ERBB4: variants seen among roughly 807,000 people sequenced by gnomAD.
ERBB4 encodes receptor tyrosine-protein kinase erbB-4.
A neutral mutation model predicts 158.0 loss-of-function variants in ERBB4; 42 were observed. That is an observed-to-expected ratio of 0.27 (90% CI 0.21 to 0.34). The LOEUF (loss-of-function observed/expected upper bound fraction) is 0.34, where lower values mean the gene tolerates loss of function less well. ERBB4 is among the 10% of genes least tolerant of loss of function. The pLI, the probability that ERBB4 is intolerant of heterozygous loss-of-function variation, is 1.00. For synonymous variants in ERBB4, 583 were observed against 558.7 expected, an observed-to-expected ratio of 1.04 and a Z score of -0.61; for missense variants, 1,333 against 1,624.1, an observed-to-expected ratio of 0.82 and a Z score of 3.08.
chr2:211,600,830 C>T (rs915372807), intron 19 of ERBB4, among the ~76,000 whole-genome samples: 1 of 152,044 alleles, frequency 6.6e-6, no homozygotes, highest in Non-Finnish European at 1.5e-5. Flanking sequence ...TGTAAAAATG[C>T]TGGCAGCCAG....
At chr2:212,037,663 C>T (rs2077046584) in intron 2 of ERBB4, among the ~76,000 whole-genome samples, 1 of 152,108 alleles carries the variant, frequency 6.6e-6, no homozygotes, top group Admixed American at 6.6e-5. Context: ...ACAAACATGT[C>T]TTTGTATTTT....
Position 211,665,363 on chromosome 2 carries a change from C to G in ERBB4, c.1831G>C (p.Asp611His), listed in dbSNP as rs149498255. ...NSFIFKYADP[D>H]RECHPCHPNC... is the part of the protein sequence containing the mutation. ...GGATGGCATGGGTGGCACTCCCGAT[C>G]TGGATCAGCATACTTGAAAATGAAA... is the stretch of plus-strand genomic sequence containing the variant. Residue 611 changes from aspartate to histidine, a missense_variant, in exon 15 of 28, where the codon GAT (aspartate) becomes CAT (histidine). Asp to His is a moderately conservative substitution (Grantham distance 81, BLOSUM62 -1). This residue lies in a region of ERBB4 where 245 missense variants were observed against 247.5 expected (regional missense o/e 0.99). Transcript: ENST00000342788. 1 of 1,614,164 alleles carries G rather than the reference C, an allele frequency of 6.2e-7. No individual in the cohort carries two copies. The highest frequency in any genetic ancestry group is 8.5e-7 in the Non-Finnish European group (1 of 1,180,028).
At chr2:212,426,502 C>CTCCT (rs2091916325) in intron 1 of ERBB4, 2 of 356,328 alleles carry the variant, frequency 5.6e-6, no homozygotes, top group Admixed American at 7.9e-5. Flanking sequence ...AAACCTCAAT[C>CTCCT]TCTTTATCTC....
intron 8 of ERBB4, among the ~76,000 whole-genome samples, chr2:211,712,668 T>C (rs1411902676): frequency 6.6e-6 from 1 of 152,140 alleles, no homozygotes; most frequent in Non-Finnish European, 1.5e-5. Flanking sequence ...GTTCTAATGA[T>C]GTGAATTATA....
chr2:212,487,637 A>G (rs903462293), intron 1 of ERBB4, among the ~76,000 whole-genome samples: 1 of 152,024 alleles, frequency 6.6e-6, no homozygotes, highest in Non-Finnish European at 1.5e-5. Flanking sequence ...TAGGAATGCA[A>G]CTGTGAATAT....
intron 3 of ERBB4, among the ~76,000 whole-genome samples, chr2:211,824,781 G>C (rs544227869): frequency 1.3e-5 from 2 of 151,842 alleles, no homozygotes; most frequent in African/African-American, 4.8e-5. Flanking sequence ...ATAATTTTAC[G>C]TTATTTTTCC....
At chr2:211,679,631 T>C (rs879384941) in intron 12 of ERBB4, among the ~76,000 whole-genome samples, 1 of 151,942 alleles carries the variant, frequency 6.6e-6, no homozygotes, top group Non-Finnish European at 1.5e-5. Flanking sequence ...AGAAAAAGAA[T>C]AATTTATAGA....
At chr2:212,312,790 C>A (rs2087106933) in intron 1 of ERBB4, among the ~76,000 whole-genome samples, 1 of 150,682 alleles carries the variant, frequency 6.6e-6, no homozygotes, top group South Asian at 2.1e-4. Context: ...TATTTTGCTT[C>A]TCCTCCTCCT....
chr2:211,871,868 C>T lies in ERBB4; in HGVS notation c.421+75562G>A, dbSNP rs78025869. On this transcript the variant is annotated intron_variant, in intron 3 of 27. Coordinates refer to ENST00000342788, the MANE Select transcript of ERBB4 (RefSeq NM_005235.3). ...ATGGATTCAAGAGACTATATGTGCTCGCTGTGATAGAAATGTATGGAGAGA... is the reference window on the plus strand; with the variant it reads ...ATGGATTCAAGAGACTATATGTGCTTGCTGTGATAGAAATGTATGGAGAGA... Among the ~76,000 whole-genome samples the T allele has an allele frequency of 5.7e-4, 86 of 151,978 alleles. 1 individual carries two copies. In the East Asian group the frequency reaches 0.016, roughly 28 times the overall value.
At chr2:212,019,618 C>T (rs930718682) in intron 2 of ERBB4, among the ~76,000 whole-genome samples, 1 of 151,856 alleles carries the variant, frequency 6.6e-6, no homozygotes, top group Non-Finnish European at 1.5e-5. Flanking sequence ...AAAAATTCAG[C>T]CAGGCATGGT....
chr2:212,291,503 TAAA>T (rs1462742350), intron 1 of ERBB4, among the ~76,000 whole-genome samples: 1 of 152,120 alleles, frequency 6.6e-6, no homozygotes, highest in East Asian at 1.9e-4. Flanking sequence ...GCAAGGATGA[TAAA>T]ACATGCTTTA....
intron 23 of ERBB4, among the ~76,000 whole-genome samples, chr2:211,423,816 T>G (rs2063563140): frequency 2.6e-5 from 4 of 151,610 alleles, no homozygotes. Flanking sequence ...CACTAATGTT[T>G]GATATTTTCC....
chr2:211,815,979 T>A (rs1470287908), intron 3 of ERBB4, among the ~76,000 whole-genome samples: 2 of 152,092 alleles, frequency 1.3e-5, no homozygotes, highest in Non-Finnish European at 2.9e-5. Flanking sequence ...TCTCGGTCCT[T>A]TAGCCTCAGG....
chr2:211,387,796 T>C, intron 26 of ERBB4, 149 bp downstream of exon 26: 2 of 719,316 alleles, frequency 2.8e-6, no homozygotes, highest in East Asian at 5.2e-5. Flanking sequence ...TAAAAACACA[T>C]CTACAAAGGC....
intron 3 of ERBB4, among the ~76,000 whole-genome samples, chr2:211,915,757 T>A (rs546546070): frequency 6.6e-6 from 1 of 151,824 alleles, no homozygotes; most frequent in African/African-American, 2.4e-5. Context: ...AAGAAAAAGA[T>A]AAAAAGGGGA....
At chr2:212,187,105 C>T (rs1334859420) in intron 1 of ERBB4, among the ~76,000 whole-genome samples, 1 of 152,020 alleles carries the variant, frequency 6.6e-6, no homozygotes, top group Non-Finnish European at 1.5e-5. Flanking sequence ...TTACTTGACT[C>T]TACTGTTAAA....
Position 212,124,866 on chromosome 2 carries a change from A to G in ERBB4, c.120T>C (p.Ser40=). The change falls in exon 2 of 28, where the codon TCT becomes TCC. Residue 40 remains serine (S), a synonymous_variant. Transcript: ENST00000342788. ...AGTENKLSSL[S]DLEQQYRALR... ...AGGCTCGGTACTGCTGTTCCAGGTC[A>G]GAGAGAGAGCTCAGTTTATTCTCCG... is the stretch of plus-strand genomic sequence containing the variant. The G allele has an allele frequency of 6.2e-7, 1 of 1,614,110 alleles. No individual in the cohort carries two copies. The highest frequency in any genetic ancestry group is 1.3e-5 in the African/African-American group (1 of 75,058).
At chr2:211,739,567 G>A (rs1299857279) in intron 5 of ERBB4, among the ~76,000 whole-genome samples, 1 of 152,100 alleles carries the variant, frequency 6.6e-6, no homozygotes, top group Non-Finnish European at 1.5e-5. Flanking sequence ...AGGTTCAACC[G>A]ATTCTCCTGC....
intron 20 of ERBB4, among the ~76,000 whole-genome samples, chr2:211,455,179 C>A (rs2064350114): frequency 6.6e-6 from 1 of 152,204 alleles, no homozygotes; most frequent in Non-Finnish European, 1.5e-5. Flanking sequence ...ATAGAAAATG[C>A]TCTTACACAC....
Sources: gnomAD v4.1 joint callset for allele counts (sites outside exome capture counted in the v4.1 genomes callset) on GRCh38, gnomAD v4.1.1 for gene constraint, gnomAD v4.1.1 regional missense constraint, MANE v1.5 for transcripts, NCBI Gene and HGNC (gene_info 2026-07-23, HGNC 2026-07-21) for gene names.